The following ARPC5 variants were observed in gnomAD, a reference collection of about 807,000 sequenced individuals.
ARPC5 encodes actin-related protein 2/3 complex subunit 5.
ARPC5 carries 5 observed loss-of-function variants against 15.4 expected under a neutral mutation model. The observed-to-expected ratio is 0.32, with a 90% confidence interval of 0.17 to 0.68. The LOEUF (loss-of-function observed/expected upper bound fraction) is 0.68, where lower values mean the gene tolerates loss of function less well. Ranked by LOEUF, ARPC5 falls within the 30% of genes least tolerant of loss-of-function variation. The probability of loss-of-function intolerance (pLI) is 0.71; values close to 1 mark genes in which losing one functional copy is unlikely to be tolerated. For synonymous variants in ARPC5, 85 were observed against 72.2 expected, an observed-to-expected ratio of 1.18 and a Z score of -0.90; for missense variants, 138 against 192.8, an observed-to-expected ratio of 0.72 and a Z score of 1.68.
In ARPC5 at chr1:183,623,429, G is replaced by C. The variant is rs925830882; in HGVS notation, c.*4103C>G. ...CAGATGACATGCTGTACCTCTGTGGGCTTCCCGGGCCTCCTCCATATCTGG... is the reference window on the plus strand; with the variant it reads ...CAGATGACATGCTGTACCTCTGTGGCCTTCCCGGGCCTCCTCCATATCTGG... On this transcript the variant is annotated 3_prime_UTR_variant, in exon 4 of 4. Coordinates refer to ENST00000359856, the MANE Select transcript of ARPC5 (RefSeq NM_005717.4). The C allele has an allele frequency of 1.3e-6, 2 of 1,550,368 alleles. No homozygotes were observed. The highest frequency in any genetic ancestry group is 1.7e-6 in the Non-Finnish European group (2 of 1,146,960).
At chr1:183,634,917 T>C (rs1237277841) in intron 1 of ARPC5, among the ~76,000 whole-genome samples, 105 of 145,606 alleles carry the variant, frequency 7.2e-4, no homozygotes, top group South Asian at 6.0e-3. Context: ...TCTTCTTCTT[T>C]TTTTTTTTTT....
intron 3 of ARPC5, 27 bp from the exon 4 acceptor site, chr1:183,627,621 T>C: frequency 6.3e-7 from 1 of 1,584,806 alleles, no homozygotes; most frequent in Non-Finnish European, 8.7e-7. Flanking sequence ...ATGTAAATGT[T>C]GACAGAATAA....
chr1:183,626,611 G>A lies in ARPC5; in HGVS notation c.*921C>T, dbSNP rs1032717482. On this transcript the variant is annotated 3_prime_UTR_variant, in exon 4 of 4. Coordinates refer to ENST00000359856, the MANE Select transcript of ARPC5 (RefSeq NM_005717.4). The stretch of plus-strand genomic sequence containing the variant: ...CCTGAAGAACACTGAAGACATTTAC[G>A]GGGCATATTAAATGGTATCTTAAAT... The A allele has an allele frequency of 4.6e-5, 7 of 152,546 alleles. No individual in the cohort carries two copies. Among genetic ancestry groups the A allele is most frequent in the Admixed American group, 1.3e-4 (2 of 15,276 alleles). 9.4% of individuals were successfully genotyped at this position (152,546 alleles called of 1,614,324 possible).
At chr1:183,634,440 A>G (rs576540459) in intron 1 of ARPC5, among the ~76,000 whole-genome samples, 13 of 152,348 alleles carry the variant, frequency 8.5e-5, no homozygotes, top group Admixed American at 3.3e-4. Context: ...CCACTATAAC[A>G]GGACATTGTT....
intron 3 of ARPC5, 80 bp from the exon 4 acceptor site, chr1:183,627,674 G>C: frequency 8.7e-7 from 1 of 1,146,478 alleles, no homozygotes; most frequent in Non-Finnish European, 1.3e-6. Context: ...TTTTCTTAAA[G>C]AAGGAATGGG....
At position 183,633,078 on chromosome 1, in the gene ARPC5, T is replaced by C. The variant is rs549937958; in HGVS notation, c.216+4A>G. 1.2e-6 allele frequency: 2 copies of C among 1,600,456 alleles called. No homozygotes were observed. The highest frequency in any genetic ancestry group is 1.7e-5 in the Admixed American group (1 of 57,778). ...AGATCACTGTGTTGTAGTCTGCGAC[T>C]CACCTTCACTGCCTGACTCTTGGTG... On this transcript the variant is annotated splice_donor_region_variant and intron_variant, in intron 2 of 3. Transcript: ENST00000359856.
At chr1:183,633,791 C>G (rs1649336762) in intron 1 of ARPC5, 1 of 152,146 alleles carries the variant, frequency 6.6e-6, no homozygotes, top group South Asian at 2.1e-4. Flanking sequence ...CTGTGTTAGA[C>G]CATACCTATT....
chr1:183,627,326 T>G lies in ARPC5; in HGVS notation c.*206A>C. On this transcript the variant is annotated 3_prime_UTR_variant, in exon 4 of 4. Transcript: ENST00000359856. ...TGGTTTTGAAAGGATGAAACACTTC[T>G]ATTTTAACACAATTTCTTCTATATT... 1 of 601,346 alleles carries G rather than the reference T, an allele frequency of 1.7e-6. No individual in the cohort carries two copies. The highest frequency in any genetic ancestry group is 3.0e-6 in the Non-Finnish European group (1 of 329,510). 37.3% of individuals were successfully genotyped at this position (601,346 alleles called of 1,614,324 possible). A position where few individuals can be genotyped will look rare whatever the true frequency, so the allele number is the denominator to read the frequency against.
In ARPC5 at chr1:183,624,675, G is replaced by A. The variant is rs1649043786; in HGVS notation, c.*2857C>T. ...CTCCAAAGGATTAGTTCAAATTAAT[G>A]TCTCACTTTAAATACTCTGATCCAC... On this transcript the variant is annotated 3_prime_UTR_variant, in exon 4 of 4. Coordinates refer to ENST00000359856, the MANE Select transcript of ARPC5 (RefSeq NM_005717.4). 1.3e-5 allele frequency: 2 copies of A among 150,250 alleles called. No individual in the cohort carries two copies. The highest frequency in any genetic ancestry group is 6.6e-5 in the Admixed American group (1 of 15,246). 9.3% of individuals were successfully genotyped at this position (150,250 alleles called of 1,614,324 possible).
rs1648976009 is a variant in ARPC5 at position 183,622,770 on chromosome 1, A to T, written c.*4762T>A. 1 of 152,356 alleles carries T rather than the reference A, an allele frequency of 6.6e-6. No homozygotes were observed. The allele number at this position is 152,356 out of a possible 1,614,324, so 9.4% of individuals were successfully genotyped here. A position where few individuals can be genotyped will look rare whatever the true frequency, so the allele number is the denominator to read the frequency against. ...GCACGTGGTACTCATGGTGGCTCTG[A>T]TTTCCACCTAAGGCTGATAAATTCC... is the stretch of plus-strand genomic sequence containing the variant. On this transcript the variant is annotated 3_prime_UTR_variant, in exon 4 of 4. Coordinates refer to ENST00000359856, the MANE Select transcript of ARPC5 (RefSeq NM_005717.4).
chr1:183,635,672 C>G lies in ARPC5; in HGVS notation c.-13G>C. 6.2e-7 allele frequency: 1 copy of G among 1,609,280 alleles called. No individual in the cohort carries two copies. On this transcript the variant is annotated 5_prime_UTR_variant, in exon 1 of 4. Transcript: ENST00000359856. ...TGTTCTTCGACATCCCAATCCCGAC[C>G]AGCGGCAAAGGCCTCTTCTTGGCGC...
intron 2 of ARPC5, 50 bp downstream of exon 2, chr1:183,633,032 C>T (rs1217874553): frequency 7.3e-7 from 1 of 1,372,782 alleles, no homozygotes; most frequent in Non-Finnish European, 1.0e-6. Flanking sequence ...GAGGATTTTA[C>T]TAAGAATAAG....
In ARPC5 at chr1:183,623,037, G is replaced by A. The variant is rs530647378; in HGVS notation, c.*4495C>T. The stretch of plus-strand genomic sequence containing the variant: ...TTGTTGAACATCAACTATGCCAAGT[G>A]AATGTGGGGATGAGTAAGAGCCAGC... On this transcript the variant is annotated 3_prime_UTR_variant, in exon 4 of 4. Transcript: ENST00000359856. 5.6e-6 allele frequency: 1 copy of A among 178,668 alleles called. No individual in the cohort carries two copies. Among genetic ancestry groups the A allele is most frequent in the South Asian group, 1.3e-4 (1 of 7,616 alleles). The allele number at this position is 178,668 out of a possible 1,614,324, so 11.1% of individuals were successfully genotyped here. A position where few individuals can be genotyped will look rare whatever the true frequency, so the allele number is the denominator to read the frequency against.
chr1:183,632,096 T>C (rs1052375205), intron 2 of ARPC5: 1 of 149,448 alleles, frequency 6.7e-6, no homozygotes, highest in African/African-American at 2.6e-5. Context: ...TAAAAAATTA[T>C]GTTACCTAGA....
At position 183,623,257 on chromosome 1, in the gene ARPC5, A is replaced by G. The variant is rs1414064183; in HGVS notation, c.*4275T>C. On this transcript the variant is annotated 3_prime_UTR_variant, in exon 4 of 4. Coordinates refer to ENST00000359856, the MANE Select transcript of ARPC5 (RefSeq NM_005717.4). ...GAACTGTTTCAGAGAGAAATAAGAGATGTAAACATAGATTATTTATGTTGA... is the reference window on the plus strand; with the variant it reads ...GAACTGTTTCAGAGAGAAATAAGAGGTGTAAACATAGATTATTTATGTTGA... The G allele has an allele frequency of 4.5e-6, 3 of 665,528 alleles. No individual in the cohort carries two copies. In the African/African-American group the frequency reaches 5.4e-5, roughly 12 times the overall value. 41.2% of individuals were successfully genotyped at this position (665,528 alleles called of 1,614,324 possible).
chr1:183,634,914 CTTTTT>C (rs76444004), intron 1 of ARPC5, among the ~76,000 whole-genome samples: 4 of 125,814 alleles, frequency 3.2e-5, no homozygotes, highest in Admixed American at 3.0e-4. Context: ...TCTTCTTCTT[CTTTTT>C]TTTTTTTTTT....
rs1649313761 is a variant in ARPC5 at position 183,633,069 on chromosome 1, G to A, written c.216+13C>T. On this transcript the variant is annotated intron_variant, in intron 2 of 3. Transcript: ENST00000359856. ...TATCAGCAGAGATCACTGTGTTGTA[G>A]TCTGCGACTCACCTTCACTGCCTGA... The A allele has an allele frequency of 1.3e-6, 2 of 1,589,430 alleles. No individual in the cohort carries two copies. Among genetic ancestry groups the A allele is most frequent in the African/African-American group, 1.4e-5 (1 of 73,776 alleles).
Position 183,625,930 on chromosome 1 carries a change from T to C in ARPC5, c.*1602A>G, listed in dbSNP as rs900630957. 3.3e-5 allele frequency: 5 copies of C among 152,220 alleles called. No individual in the cohort carries two copies. The highest frequency in any genetic ancestry group is 7.2e-5 in the African/African-American group (3 of 41,442). The allele number at this position is 152,220 out of a possible 1,614,324, so 9.4% of individuals were successfully genotyped here. ...AATGACTGCAGCTGCTAAGCTACTT[T>C]GCACTTTCTAGTCTAGGTCTTTGGG... On this transcript the variant is annotated 3_prime_UTR_variant, in exon 4 of 4. Transcript: ENST00000359856.
intron 3 of ARPC5, among the ~76,000 whole-genome samples, chr1:183,628,201 A>C (rs1475417566): frequency 6.7e-6 from 1 of 148,762 alleles, no homozygotes; most frequent in African/African-American, 2.5e-5. Context: ...AAAAAAAAAA[A>C]ATCTGCAGCA....
Sources: gnomAD v4.1 joint callset for allele counts (sites outside exome capture counted in the v4.1 genomes callset) on GRCh38, gnomAD v4.1.1 for gene constraint, MANE v1.5 for transcripts, NCBI Gene and HGNC (gene_info 2026-07-23, HGNC 2026-07-21) for gene names.